Variants in DACH1 observed in about 807,000 individuals in gnomAD.
DACH1 encodes the protein dachshund homolog 1.
In DACH1, 12 loss-of-function variants were observed where a neutral mutation model predicts 54.2. The observed-to-expected ratio is 0.22, with a 90% confidence interval of 0.14 to 0.36. The LOEUF is 0.36. Among genes scored for constraint, DACH1 ranks in the 10% least tolerant of loss-of-function variants. The probability of loss-of-function intolerance (pLI) is 1.00; values close to 1 mark genes in which losing one functional copy is unlikely to be tolerated. For missense variants in DACH1, 805 were observed against 929.8 expected (o/e 0.87, Z 1.75); for synonymous variants, 386 against 366.2 (o/e 1.05, Z -0.62).
chr13:71,787,987 T>C (rs964559079), intron 1 of DACH1, among the ~76,000 whole-genome samples: 10 of 152,158 alleles, frequency 6.6e-5, no homozygotes, highest in African/African-American at 2.2e-4. Context: ...TACAGTGATA[T>C]AGTAGTGTAT....
intron 1 of DACH1, among the ~76,000 whole-genome samples, chr13:71,805,605 T>G (rs1203185280): frequency 6.6e-6 from 1 of 152,182 alleles, no homozygotes; most frequent in Non-Finnish European, 1.5e-5. Flanking sequence ...TTGCATTGTC[T>G]GTCATCCTTG....
At chr13:71,541,933 T>G (rs1030499635) in intron 6 of DACH1, among the ~76,000 whole-genome samples, 2 of 149,142 alleles carry the variant, frequency 1.3e-5, no homozygotes, top group African/African-American at 2.5e-5. Context: ...CAGTTTTTTT[T>G]TTTTTTTTTT....
intron 2 of DACH1, 137 bp from the exon 3 acceptor site, chr13:71,630,854 T>C: frequency 9.9e-7 from 1 of 1,014,086 alleles, no homozygotes; most frequent in South Asian, 2.2e-5. Flanking sequence ...TAACTTATAC[T>C]CATTCCCAAC....
intron 6 of DACH1, among the ~76,000 whole-genome samples, chr13:71,494,156 T>C (rs1879218774): frequency 6.6e-6 from 1 of 152,176 alleles, no homozygotes; most frequent in African/African-American, 2.4e-5. Flanking sequence ...GGGTAGGGTC[T>C]GGCAGTTATG....
chr13:71,679,111 A>G (rs1206262323), intron 2 of DACH1, among the ~76,000 whole-genome samples: 1 of 152,232 alleles, frequency 6.6e-6, no homozygotes, highest in Non-Finnish European at 1.5e-5. Context: ...GGAAAGAACA[A>G]AAGTAGAATG....
At chr13:71,683,729 G>A (rs977237809) in intron 1 of DACH1, among the ~76,000 whole-genome samples, 3 of 152,000 alleles carry the variant, frequency 2.0e-5, no homozygotes, top group Non-Finnish European at 1.5e-5. Flanking sequence ...TTGTTTAGTT[G>A]TCTGTGGTCA....
chr13:71,825,273 T>A (rs1379440394), intron 1 of DACH1, among the ~76,000 whole-genome samples: 1 of 152,138 alleles, frequency 6.6e-6, no homozygotes, highest in Admixed American at 6.6e-5. Context: ...CTCACTCCTT[T>A]ATCCAAGCTA....
At chr13:71,481,898 C>T (rs977881626) in intron 7 of DACH1, among the ~76,000 whole-genome samples, 12 of 152,124 alleles carry the variant, frequency 7.9e-5, no homozygotes, top group African/African-American at 1.7e-4. Flanking sequence ...AGGTTGATCA[C>T]GTGCAAACGG....
chr13:71,600,968 T>C (rs1237216481), intron 3 of DACH1, among the ~76,000 whole-genome samples: 1 of 151,780 alleles, frequency 6.6e-6, no homozygotes, highest in Non-Finnish European at 1.5e-5. Context: ...CTCCAGAAGA[T>C]TCTAAGAACT....
intron 2 of DACH1, among the ~76,000 whole-genome samples, chr13:71,660,838 T>C (rs1354960455): frequency 6.6e-6 from 1 of 151,566 alleles, no homozygotes; most frequent in African/African-American, 2.4e-5. Flanking sequence ...AAGAGAGAAA[T>C]CAGTCTAGCT....
intron 10 of DACH1, among the ~76,000 whole-genome samples, chr13:71,441,918 A>C (rs956985533): frequency 6.6e-6 from 1 of 151,904 alleles, no homozygotes; most frequent in Non-Finnish European, 1.5e-5. Context: ...TTGTGGGTAA[A>C]TATTAGGTGC....
At chr13:71,833,946 C>T (rs1888684061) in intron 1 of DACH1, among the ~76,000 whole-genome samples, 1 of 151,952 alleles carries the variant, frequency 6.6e-6, no homozygotes. Flanking sequence ...TTGGAACTAA[C>T]TGATCCTCAT....
At chr13:71,593,902 G>T (rs1386251689) in intron 3 of DACH1, among the ~76,000 whole-genome samples, 1 of 151,450 alleles carries the variant, frequency 6.6e-6, no homozygotes, top group Non-Finnish European at 1.5e-5. Context: ...AATTCTAAAT[G>T]TTCCTAAATA....
At chr13:71,777,769 T>C (rs1014119891) in intron 1 of DACH1, among the ~76,000 whole-genome samples, 3 of 152,100 alleles carry the variant, frequency 2.0e-5, no homozygotes, top group African/African-American at 4.8e-5. Flanking sequence ...TATTTATGTG[T>C]AATATTCCCA....
intron 3 of DACH1, among the ~76,000 whole-genome samples, chr13:71,592,030 T>C (rs1417451884): frequency 2.0e-5 from 3 of 152,102 alleles, no homozygotes; most frequent in Non-Finnish European, 4.4e-5. Flanking sequence ...GCAGACAAAC[T>C]ACAGAAATTA....
intron 3 of DACH1, among the ~76,000 whole-genome samples, chr13:71,584,683 G>GA (rs1873104083): frequency 6.6e-6 from 1 of 151,870 alleles, no homozygotes; most frequent in South Asian, 2.1e-4. Context: ...AATATTTTTT[G>GA]AAAATCATTT....
intron 2 of DACH1, among the ~76,000 whole-genome samples, chr13:71,666,835 G>A (rs558391822): frequency 7.9e-5 from 12 of 152,032 alleles, no homozygotes; most frequent in South Asian, 4.2e-4. Flanking sequence ...ACAAAAAATC[G>A]GCTGGGTGTG....
chr13:71,458,694 A>G (rs1875805723), intron 10 of DACH1, among the ~76,000 whole-genome samples: 1 of 151,920 alleles, frequency 6.6e-6, no homozygotes, highest in Non-Finnish European at 1.5e-5. Flanking sequence ...AAATATTTAG[A>G]CACACATACA....
intron 1 of DACH1, among the ~76,000 whole-genome samples, chr13:71,707,148 T>C (rs1481728585): frequency 6.6e-6 from 1 of 152,162 alleles, no homozygotes; most frequent in Non-Finnish European, 1.5e-5. Context: ...ACTTGCAAGC[T>C]CTTGGGGTGA....
Sources: allele counts gnomAD v4.1 joint callset (sites outside exome capture counted in the v4.1 genomes callset), GRCh38; gene constraint gnomAD v4.1.1; transcripts MANE v1.5; gene names NCBI Gene and HGNC (gene_info 2026-07-23, HGNC 2026-07-21).